Variants in FOXN1 observed in about 807,000 individuals in gnomAD.
FOXN1 encodes the protein forkhead box N1.
A neutral mutation model predicts 49.0 loss-of-function variants in FOXN1; 15 were observed. The ratio of observed to expected loss-of-function variants is 0.31; its 90% confidence interval spans 0.20 to 0.47. FOXN1 has a LOEUF of 0.47. Ranked by LOEUF, FOXN1 falls within the 20% of genes least tolerant of loss-of-function variation. The pLI is 1.00. For missense variants in FOXN1, 800 were observed against 842.8 expected (o/e 0.95, Z 0.63); for synonymous variants, 356 against 369.0 (o/e 0.96, Z 0.40).
rs1248385624 is a variant in FOXN1, at chr17:28,529,109, G to A, written c.715G>A (p.Gly239Ser). ...ACCTCCTCAGTACTCGCCAGGTGGT[G>A]GCAGCTACCCCATACCCTACCTGGG... ...PPFHQYSPGG[G>S]SYPIPYLGSS... Residue 239 changes from glycine to serine, a missense_variant, in exon 5 of 9, where the codon GGC (glycine) becomes AGC (serine). Gly to Ser is a moderately conservative substitution (Grantham distance 56). Coordinates refer to ENST00000579795, the MANE Select transcript of FOXN1 (RefSeq NM_001369369.1). 1 of 1,614,032 alleles carries A rather than the reference G, an allele frequency of 6.2e-7. No individual in the cohort carries two copies. Among genetic ancestry groups the A allele is most frequent in the Non-Finnish European group, 8.5e-7 (1 of 1,180,028 alleles).
At chr17:28,513,965 C>A (rs1440029762) in intron 1 of FOXN1, among the ~76,000 whole-genome samples, 1 of 152,198 alleles carries the variant, frequency 6.6e-6, no homozygotes, top group African/African-American at 2.4e-5. Context: ...TGGGACCCTC[C>A]CTGCAGAAGG....
At chr17:28,526,696 G>A (rs1174496439) in intron 3 of FOXN1, among the ~76,000 whole-genome samples, 1 of 152,222 alleles carries the variant, frequency 6.6e-6, no homozygotes, top group Non-Finnish European at 1.5e-5. Context: ...AGAGCGGAGA[G>A]GAGTTACTAG....
chr17:28,515,820 C>T (rs555536618), intron 1 of FOXN1, among the ~76,000 whole-genome samples: 115 of 151,708 alleles, frequency 7.6e-4, no homozygotes, highest in Middle Eastern at 3.4e-3. Flanking sequence ...GTGTATACAC[C>T]TCCACAGATA....
At position 28,523,986 on chromosome 17, in the gene FOXN1, C is replaced by T. The variant is rs569010186; in HGVS notation, c.17C>T (p.Pro6Leu). The part of the protein sequence containing the change: MVSLP[P>L]PQSDVTLPGP... ...GACTGGGTGATGGTGTCGCTACCCC[C>T]GCCGCAGTCTGACGTCACGCTGCCG... Residue 6 changes from proline (P) to leucine (L), a missense_variant, in exon 2 of 9, where the codon CCG becomes CTG. Pro to Leu is a moderately conservative substitution (Grantham distance 98). Around this residue, in one of 3 missense-constraint regions of FOXN1, gnomAD observed 383 missense variants for 357.9 expected, o/e 1.07. Transcript: ENST00000579795. 3.5e-5 allele frequency: 56 copies of T among 1,613,200 alleles called. No homozygotes were observed. Among genetic ancestry groups the T allele is most frequent in the Non-Finnish European group, 4.3e-5 (51 of 1,179,950 alleles).
rs758422805 is a variant in FOXN1, at chr17:28,524,926, G to T, written c.547G>T (p.Gly183Trp). The change falls in exon 3 of 9, where the codon GGG becomes TGG. Residue 183 changes from glycine (G) to tryptophan (W), a missense_variant. Physicochemically the swap from Gly to Trp is radical, Grantham distance 184. Transcript: ENST00000579795. ...CTTCTCAGCAGAGGCCTGGTGTAAC[G>T]GGCTCCCCTACCCCAGCCAGGAGCA... ...PGFSAEAWCN[G>W]LPYPSQEHGP... The T allele has an allele frequency of 6.2e-7, 1 of 1,612,552 alleles. No homozygotes were observed. The highest frequency in any genetic ancestry group is 1.7e-5 in the Admixed American group (1 of 60,006).
chr17:28,534,767 G>A lies in FOXN1; in HGVS notation c.1196G>A (p.Cys399Tyr). ...AAGCTGGGCTCCCCACTCCTGGGCT[G>A]TCCGCCCCCTGGGCTGTCCGGCTCA... is the stretch of plus-strand genomic sequence containing the variant. ...REKLGSPLLG[C>Y]PPPGLSGSGP... Residue 399 changes from cysteine (C) to tyrosine (Y), a missense_variant, in exon 8 of 9, where the codon TGT (cysteine) becomes TAT (tyrosine). Coordinates refer to ENST00000579795, the MANE Select transcript of FOXN1 (RefSeq NM_001369369.1). This position sits in a 1 kb window ranked among gnomAD's most constrained non-coding sequence, Gnocchi z 4.1. 1 of 1,613,494 alleles carries A rather than the reference G, an allele frequency of 6.2e-7. No homozygotes were observed. The highest frequency in any genetic ancestry group is 8.5e-7 in the Non-Finnish European group (1 of 1,179,708).
chr17:28,537,601 C>T lies in FOXN1; in HGVS notation c.*165C>T, dbSNP rs577342392. ...TGGTAGCTGGGGGCGCAGAGGACAT[C>T]ACCTGGGGTGCTGCCTCTCACACAT... On this transcript the variant is annotated 3_prime_UTR_variant, in exon 9 of 9. Transcript: ENST00000579795. 2 of 675,744 alleles carry T rather than the reference C, an allele frequency of 3.0e-6. No homozygotes were observed. Among genetic ancestry groups the T allele is most frequent in the Admixed American group, 4.2e-5 (2 of 48,058 alleles). The allele number at this position is 675,744 out of a possible 1,614,324, so 41.9% of individuals were successfully genotyped here.
At chr17:28,521,865 G>A (rs986466363) in intron 1 of FOXN1, among the ~76,000 whole-genome samples, 1 of 152,256 alleles carries the variant, frequency 6.6e-6, no homozygotes, top group African/African-American at 2.4e-5. Context: ...GTACCACGGG[G>A]CCAATGAGGC....
In FOXN1 at chr17:28,537,624, C is replaced by A; in HGVS notation, c.*188C>A. 1 of 644,934 alleles carries A rather than the reference C, an allele frequency of 1.6e-6. No homozygotes were observed. Among genetic ancestry groups the A allele is most frequent in the South Asian group, 1.7e-5 (1 of 57,650 alleles). The allele number at this position is 644,934 out of a possible 1,614,324, so 40.0% of individuals were successfully genotyped here. A position where few individuals can be genotyped will look rare whatever the true frequency, so the allele number is the denominator to read the frequency against. The stretch of plus-strand genomic sequence containing the variant: ...ATCACCTGGGGTGCTGCCTCTCACA[C>A]ATTTCTGCCACGTGGTGGCCCAGCT... On this transcript the variant is annotated 3_prime_UTR_variant, in exon 9 of 9. Transcript: ENST00000579795.
chr17:28,532,378 C>G (rs2069934970), intron 6 of FOXN1, among the ~76,000 whole-genome samples: 1 of 152,154 alleles, frequency 6.6e-6, no homozygotes, highest in African/African-American at 2.4e-5. Context: ...TGGGATGGGC[C>G]CCAGATTGTG....
intron 1 of FOXN1, among the ~76,000 whole-genome samples, chr17:28,509,884 A>T (rs570375344): frequency 1.3e-5 from 2 of 152,226 alleles, no homozygotes; most frequent in Admixed American, 6.5e-5. Context: ...AGGGATTTTT[A>T]GGGTTGATTA....
At chr17:28,530,701 AGGACCCAGTCAGAGGTTC>A (rs751461103) in intron 5 of FOXN1, 30 bp from the exon 6 acceptor site, 295 of 1,081,922 alleles carry the variant, frequency 2.7e-4, no homozygotes, top group Non-Finnish European at 3.9e-4. Flanking sequence ...GGGTGGGCTC[AGGACCCAGTCAGAGGTTC>A]GGACTCTCAG....
Position 28,527,298 on chromosome 17 carries a change from G to A in FOXN1, c.636G>A (p.Gly212=). 1.2e-6 allele frequency: 2 copies of A among 1,614,070 alleles called. No homozygotes were observed. Among genetic ancestry groups the A allele is most frequent in the Non-Finnish European group, 1.7e-6 (2 of 1,179,946 alleles). ...VKPPVLESGA[G]MFCYQPPLQH... is the part of the protein sequence containing the mutation. ...CCCCAGTTCTGGAGAGTGGTGCTGG[G>A]ATGTTCTGCTACCAGCCTCCCTTGC... The change falls in exon 4 of 9, where the codon GGG becomes GGA. Residue 212 remains glycine (G), a synonymous_variant. Transcript: ENST00000579795.
intron 1 of FOXN1, among the ~76,000 whole-genome samples, chr17:28,510,065 A>G (rs1008866708): frequency 6.6e-6 from 1 of 152,062 alleles, no homozygotes; most frequent in Non-Finnish European, 1.5e-5. Flanking sequence ...GCTACTCTAG[A>G]AGCTTCCAGG....
intron 1 of FOXN1, among the ~76,000 whole-genome samples, chr17:28,518,884 T>C (rs915822946): frequency 6.6e-6 from 1 of 152,162 alleles, no homozygotes; most frequent in Non-Finnish European, 1.5e-5. Flanking sequence ...CCTAAAAAAA[T>C]GGGCTTGATG....
intron 6 of FOXN1, among the ~76,000 whole-genome samples, chr17:28,531,735 G>A (rs1201732644): frequency 6.6e-6 from 1 of 152,168 alleles, no homozygotes; most frequent in East Asian, 1.9e-4. Context: ...CCCAGGCAGT[G>A]GGCAGTTGCT....
chr17:28,508,610 T>G (rs2069318680), intron 1 of FOXN1, among the ~76,000 whole-genome samples: 1 of 152,178 alleles, frequency 6.6e-6, no homozygotes, highest in African/African-American at 2.4e-5. Flanking sequence ...CCCCATTGCC[T>G]GCACAGGGCC....
intron 1 of FOXN1, among the ~76,000 whole-genome samples, chr17:28,508,722 C>T (rs1319275408): frequency 6.6e-6 from 1 of 152,160 alleles, no homozygotes; most frequent in East Asian, 1.9e-4. Context: ...GCCTCTTATT[C>T]TCTCTGACTC....
At chr17:28,517,827 G>A (rs1308021978) in intron 1 of FOXN1, among the ~76,000 whole-genome samples, 1 of 143,816 alleles carries the variant, frequency 7.0e-6, no homozygotes, top group African/African-American at 2.7e-5. Flanking sequence ...CACCTCCACA[G>A]GGTACACACC....
Sources: allele counts gnomAD v4.1 joint callset (sites outside exome capture counted in the v4.1 genomes callset), GRCh38; gene constraint gnomAD v4.1.1; regional missense constraint gnomAD v4.1.1; non-coding constraint Gnocchi (gnomAD v3.1); transcripts MANE v1.5; gene names NCBI Gene and HGNC (gene_info 2026-07-23, HGNC 2026-07-21).